ERI1: variants seen among roughly 807,000 people sequenced by gnomAD.
ERI1 encodes exoribonuclease 1, also known as 3'-5' exoribonuclease 1.
Under a neutral mutation model 39.7 loss-of-function variants are expected in ERI1, and 39 were observed. That is an observed-to-expected ratio of 0.98 (90% CI 0.76 to 1.28). The LOEUF is 1.28. ERI1 is among the 50% of genes most tolerant of loss of function. ERI1 has a pLI of 0.00. For missense variants in ERI1, 581 were observed against 416.9 expected, an observed-to-expected ratio of 1.39 and a Z score of -3.43; for synonymous variants, 204 against 149.6, an observed-to-expected ratio of 1.36 and a Z score of -2.65.
chr8:9,028,757 G>C (rs1180965791), intron 6 of ERI1, among the ~76,000 whole-genome samples: 1 of 151,998 alleles, frequency 6.6e-6, no homozygotes, highest in Non-Finnish European at 1.5e-5. Flanking sequence ...CCGAGTAGCT[G>C]GGATTACAGG....
At chr8:9,003,196 T>C in intron 1 of ERI1, 25 bp downstream of exon 1, 2 of 1,226,722 alleles carry the variant, frequency 1.6e-6, no homozygotes, top group Non-Finnish European at 2.0e-6. Context: ...CGCGCCTGGC[T>C]GTTGGCGCCA....
chr8:9,046,653 T>A (rs532883194), intron 3 of ERI1, among the ~76,000 whole-genome samples: 1 of 152,372 alleles, frequency 6.6e-6, no homozygotes, highest in East Asian at 1.9e-4. Context: ...ACTCTGGAAA[T>A]GAGCTCTTGC....
chr8:9,089,145 T>C (rs1284602655), intron 3 of ERI1, among the ~76,000 whole-genome samples: 1 of 152,240 alleles, frequency 6.6e-6, no homozygotes, highest in African/African-American at 2.4e-5. Context: ...CACTCTCCTC[T>C]TTCCTTTTCT....
chr8:9,025,985 A>G (rs1181849847), intron 6 of ERI1, among the ~76,000 whole-genome samples: 1 of 152,094 alleles, frequency 6.6e-6, no homozygotes, highest in Admixed American at 6.5e-5. Flanking sequence ...AGAAAGCAGA[A>G]CTGTCACTGT....
At chr8:9,017,024 A>T (rs966293123) in intron 4 of ERI1, among the ~76,000 whole-genome samples, 2 of 151,684 alleles carry the variant, frequency 1.3e-5, no homozygotes, top group African/African-American at 4.8e-5. Context: ...ACCTGACTTT[A>T]TATTTTGCAT....
chr8:9,030,163 TAGAG>T lies in ERI1; in HGVS notation c.*131_*134del. 1 of 1,201,822 alleles carries T rather than the reference TAGAG, an allele frequency of 8.3e-7. No individual in the cohort carries two copies. Among genetic ancestry groups the T allele is most frequent in the Non-Finnish European group, 1.1e-6 (1 of 871,520 alleles). The allele number at this position is 1,201,822 out of a possible 1,614,324, so 74.4% of individuals were successfully genotyped here. Reference sequence around the variant, plus strand: ...ACATTTAAAATCTTATTACAGGTGATAGAGATAGATACATGTATGTGAACAGATT... The same window carrying T: ...ACATTTAAAATCTTATTACAGGTGATATAGATACATGTATGTGAACAGATT... On this transcript the variant is annotated 3_prime_UTR_variant, in exon 7 of 7. Transcript: ENST00000250263.
At chr8:9,018,153 T>C (rs1447460355) in intron 4 of ERI1, 144 bp from the exon 5 acceptor site, 2 of 522,886 alleles carry the variant, frequency 3.8e-6, no homozygotes, top group Admixed American at 3.2e-5. Flanking sequence ...AAACTTTAGG[T>C]GGAGCTAAGC....
chr8:9,012,874 C>G (rs1341429876), intron 3 of ERI1, among the ~76,000 whole-genome samples: 1 of 152,002 alleles, frequency 6.6e-6, no homozygotes, highest in Non-Finnish European at 1.5e-5. Flanking sequence ...ATGTTTATCT[C>G]TTTCCTTTTC....
At chr8:9,058,720 T>C (rs1798590509) in intron 3 of ERI1, among the ~76,000 whole-genome samples, 1 of 152,092 alleles carries the variant, frequency 6.6e-6, no homozygotes, top group Non-Finnish European at 1.5e-5. Flanking sequence ...GCATGATGTC[T>C]TTGCTGTTGT....
At chr8:9,074,860 T>C (rs1799158375) in intron 3 of ERI1, among the ~76,000 whole-genome samples, 1 of 152,222 alleles carries the variant, frequency 6.6e-6, no homozygotes. Context: ...TGTGAGTCCT[T>C]CTAAGGGAAA....
In ERI1 at chr8:9,049,545, TA is replaced by T. The variant is rs35232157; in HGVS notation, n.299+29091del. ...GATTTTTTGGCATTAATTTTGACTT[TA>T]AAAAAAAAAGCATGAAAATATTATT... On this transcript the variant is annotated intron_variant and non_coding_transcript_variant, in intron 3 of 3. Transcript: ENST00000518663. Among the ~76,000 whole-genome samples, 19 of 147,702 alleles carry T rather than the reference TA, an allele frequency of 1.3e-4. No homozygotes were observed. In the East Asian group the frequency reaches 1.6e-3, roughly 12 times the overall value.
chr8:9,017,252 A>C (rs933002097), intron 4 of ERI1, among the ~76,000 whole-genome samples: 10 of 151,934 alleles, frequency 6.6e-5, no homozygotes, highest in African/African-American at 2.4e-4. Context: ...GTGTTGGCCA[A>C]GGTGGTCTTG....
intron 5 of ERI1, among the ~76,000 whole-genome samples, chr8:9,019,483 G>A (rs1007508639): frequency 4.6e-5 from 7 of 152,084 alleles, no homozygotes; most frequent in South Asian, 2.1e-4. Flanking sequence ...TATAGTATAC[G>A]CAGTTCTGGT....
chr8:9,069,109 A>G (rs1449756351), intron 3 of ERI1, among the ~76,000 whole-genome samples: 2 of 152,112 alleles, frequency 1.3e-5, no homozygotes, highest in Non-Finnish European at 2.9e-5. Context: ...ATGAGCCACC[A>G]CATCGGCCAT....
At chr8:9,036,691 A>AT (rs931058552), downstream of ERI1, among the ~76,000 whole-genome samples, 1,058 of 149,488 alleles carry the variant, frequency 7.1e-3, 12 homozygotes, top group African/African-American at 0.022. Context: ...AATACAAGTC[A>AT]TTTTTTTTTT....
chr8:9,052,669 G>C (rs915742118), intron 3 of ERI1, among the ~76,000 whole-genome samples: 2 of 152,140 alleles, frequency 1.3e-5, no homozygotes, highest in Admixed American at 1.3e-4. Flanking sequence ...GCAATCAAGA[G>C]ATTTACCCAG....
intron 3 of ERI1, among the ~76,000 whole-genome samples, chr8:9,051,657 C>CG (rs139900633): frequency 7.1e-6 from 1 of 141,130 alleles, no homozygotes; most frequent in Non-Finnish European, 1.5e-5. Flanking sequence ...GACCCTGTCT[C>CG]AAAAAAAAAA....
At chr8:9,070,965 C>T (rs1312479040) in intron 3 of ERI1, among the ~76,000 whole-genome samples, 1 of 152,156 alleles carries the variant, frequency 6.6e-6, no homozygotes, top group Admixed American at 6.5e-5. Context: ...CCATGGCTGC[C>T]ATCACTCTGT....
intron 3 of ERI1, among the ~76,000 whole-genome samples, chr8:9,050,905 G>T (rs1798336158): frequency 1.3e-5 from 2 of 152,118 alleles, no homozygotes. Context: ...AGCACCTTTG[G>T]ATGGAAATGA....
Sources: allele counts gnomAD v4.1 joint callset (sites outside exome capture counted in the v4.1 genomes callset), GRCh38; gene constraint gnomAD v4.1.1; transcripts MANE v1.5; gene names NCBI Gene and HGNC (gene_info 2026-07-23, HGNC 2026-07-21).